The following HSPA1A variants were observed in gnomAD, a reference collection of about 807,000 sequenced individuals.
HSPA1A encodes the protein heat shock protein family A (Hsp70) member 1A, also known as heat shock 70 kDa protein 1A.
A neutral mutation model predicts 8.8 loss-of-function variants in HSPA1A; 5 were observed. The ratio of observed to expected loss-of-function variants is 0.57; its 90% CI spans 0.30 to 1.19. HSPA1A has a LOEUF of 1.19. Among genes scored for constraint, HSPA1A ranks in the 50% most tolerant of loss-of-function variants. HSPA1A has a pLI of 0.08. For synonymous variants in HSPA1A, 112 were observed against 188.4 expected (o/e 0.59, Z 3.32); for missense variants, 207 against 430.7 (o/e 0.48, Z 4.60).
Position 31,817,811 on chromosome 6 carries a change from C to CT in HSPA1A, c.*136dup. The stretch of plus-strand genomic sequence containing the variant: ...ATTTTTTGGTGAAGTACTGAACTTG[C>CT]TTTTTTTCCGGTTTCTACATGCAGA... On this transcript the variant is annotated 3_prime_UTR_variant, in exon 1 of 1. Coordinates refer to ENST00000375651, the MANE Select transcript of HSPA1A (RefSeq NM_005345.6). 1.5e-5 allele frequency: 22 copies of CT among 1,467,876 alleles called. No homozygotes were observed. The highest frequency in any genetic ancestry group is 2.0e-5 in the Non-Finnish European group (22 of 1,110,512). The allele number at this position is 1,467,876 out of a possible 1,614,324, so 90.9% of individuals were successfully genotyped here.
chr6:31,815,878 A>G lies in HSPA1A; in HGVS notation c.122A>G (p.Tyr41Cys). 2 of 1,604,972 alleles carry G rather than the reference A, an allele frequency of 1.2e-6. No homozygotes were observed. The highest frequency in any genetic ancestry group is 8.5e-7 in the Non-Finnish European group (1 of 1,177,220). ...CAGGGCAACCGCACCACCCCCAGCT[A>G]CGTGGCCTTCACGGACACCGAGCGG... ...NDQGNRTTPS[Y>C]VAFTDTERLI... The change falls in exon 1 of 1, where the codon TAC becomes TGC. Residue 41 changes from tyrosine (Y) to cysteine (C), a missense_variant. Physicochemically the swap from Tyr to Cys is radical, Grantham distance 194. Coordinates refer to ENST00000375651, the MANE Select transcript of HSPA1A (RefSeq NM_005345.6).
chr6:31,815,577 C>G lies in HSPA1A; in HGVS notation c.-180C>G. 1 of 1,455,940 alleles carries G rather than the reference C, an allele frequency of 6.9e-7. No homozygotes were observed. Among genetic ancestry groups the G allele is most frequent in the Non-Finnish European group, 9.4e-7 (1 of 1,063,262 alleles). 90.2% of individuals were successfully genotyped at this position (1,455,940 alleles called of 1,614,324 possible). Reference sequence around the variant, plus strand: ...CCTGAGGAGCTGCTGCGACAGTCCACTACCTTTTTCGAGAGTGACTCCCGT... The same window carrying G: ...CCTGAGGAGCTGCTGCGACAGTCCAGTACCTTTTTCGAGAGTGACTCCCGT... On this transcript the variant is annotated 5_prime_UTR_variant, in exon 1 of 1. Coordinates refer to ENST00000375651, the MANE Select transcript of HSPA1A (RefSeq NM_005345.6).
rs1816053756 is a variant in HSPA1A, at chr6:31,817,919, A to G, written c.*237A>G. The G allele has an allele frequency of 7.1e-7, 1 of 1,418,302 alleles. No homozygotes were observed. Among genetic ancestry groups the G allele is most frequent in the African/African-American group, 1.4e-5 (1 of 69,136 alleles). The allele number at this position is 1,418,302 out of a possible 1,614,324, so 87.9% of individuals were successfully genotyped here. ...GCCATTTTTTAAGTTGGTTACTTCA[A>G]AGTAAATAAACTTTAAAATTCAAGT... On this transcript the variant is annotated 3_prime_UTR_variant, in exon 1 of 1. Transcript: ENST00000375651.
chr6:31,815,953 C>G lies in HSPA1A; in HGVS notation c.197C>G (p.Thr66Ser). The G allele has an allele frequency of 6.6e-7, 1 of 1,521,266 alleles. No individual in the cohort carries two copies. Among genetic ancestry groups the G allele is most frequent in the Non-Finnish European group, 8.9e-7 (1 of 1,128,690 alleles). 94.2% of individuals were successfully genotyped at this position (1,521,266 alleles called of 1,614,324 possible). Residue 66 changes from threonine to serine, a missense_variant, in exon 1 of 1, where the codon ACC becomes AGC. Physicochemically the swap from Thr to Ser is moderately conservative, Grantham distance 58 (BLOSUM62 1). Around this residue, in one of 5 missense-constraint regions of HSPA1A, gnomAD observed 129 missense variants for 173.1 expected, o/e 0.75. Transcript: ENST00000375651. Reference protein sequence around the residue: ...KNQVALNPQNTVFDAKRLIGR... With the variant: ...KNQVALNPQNSVFDAKRLIGR... ...CAGGTGGCGCTGAACCCGCAGAACA[C>G]CGTGTTTGACGCGAAGCGGCTGATT...
At position 31,815,747 on chromosome 6, in the gene HSPA1A, G is replaced by A. The variant is rs1430147081; in HGVS notation, c.-10G>A. Reference sequence around the variant, plus strand: ...CTCAGAGCGGAGCCGACAGAGAGCAGGGAACCGGCATGGCCAAAGCCGCGG... The same window carrying A: ...CTCAGAGCGGAGCCGACAGAGAGCAAGGAACCGGCATGGCCAAAGCCGCGG... On this transcript the variant is annotated 5_prime_UTR_variant, in exon 1 of 1. Transcript: ENST00000375651. 2 of 1,614,014 alleles carry A rather than the reference G, an allele frequency of 1.2e-6. No homozygotes were observed. Among genetic ancestry groups the A allele is most frequent in the Admixed American group, 1.7e-5 (1 of 60,020 alleles).
rs367576856 is a variant in HSPA1A at position 31,815,803 on chromosome 6, C to T, written c.47C>T (p.Ser16Phe). ...AIGIDLGTTY[S>F]CVGVFQHGKV... ...GGCATCGACCTGGGCACCACCTACTCCTGCGTGGGGGTGTTCCAACACGGC... is the reference window on the plus strand; with the variant it reads ...GGCATCGACCTGGGCACCACCTACTTCTGCGTGGGGGTGTTCCAACACGGC... Residue 16 changes from serine to phenylalanine, a missense_variant, in exon 1 of 1, where the codon TCC becomes TTC. By Grantham distance (155) the Ser-to-Phe change is radical. Transcript: ENST00000375651. 2.5e-6 allele frequency: 4 copies of T among 1,613,246 alleles called. No individual in the cohort carries two copies. Among genetic ancestry groups the T allele is most frequent in the Non-Finnish European group, 3.4e-6 (4 of 1,179,798 alleles).
chr6:31,816,032 C>A lies in HSPA1A; in HGVS notation c.276C>A (p.Phe92Leu). 9.6e-7 allele frequency: 1 copy of A among 1,037,264 alleles called. No homozygotes were observed. The highest frequency in any genetic ancestry group is 1.3e-6 in the Non-Finnish European group (1 of 747,246). 64.3% of individuals were successfully genotyped at this position (1,037,264 alleles called of 1,614,324 possible). Residue 92 changes from phenylalanine (F) to leucine (L), a missense_variant, in exon 1 of 1, where the codon TTC (phenylalanine) becomes TTA (leucine). Physicochemically the swap from Phe to Leu is conservative, Grantham distance 22 (BLOSUM62 0). Around this residue, in one of 5 missense-constraint regions of HSPA1A, gnomAD observed 129 missense variants for 173.1 expected, o/e 0.75. Coordinates refer to ENST00000375651, the MANE Select transcript of HSPA1A (RefSeq NM_005345.6). Reference sequence around the variant, plus strand: ...AGTCGGACATGAAGCACTGGCCTTTCCAGGTGATCAACGACGGAGACAAGC... The same window carrying A: ...AGTCGGACATGAAGCACTGGCCTTTACAGGTGATCAACGACGGAGACAAGC... ...VVQSDMKHWP[F>L]QVINDGDKPK...
At position 31,815,780 on chromosome 6, in the gene HSPA1A, C is replaced by T; in HGVS notation, c.24C>T (p.Gly8=). ...GCATGGCCAAAGCCGCGGCGATCGG[C>T]ATCGACCTGGGCACCACCTACTCCT... The part of the protein sequence containing the change: MAKAAAI[G]IDLGTTYSCV... Residue 8 remains glycine, a synonymous_variant, in exon 1 of 1, where the codon GGC becomes GGT. Coordinates refer to ENST00000375651, the MANE Select transcript of HSPA1A (RefSeq NM_005345.6). 6.2e-7 allele frequency: 1 copy of T among 1,613,772 alleles called. No homozygotes were observed. The highest frequency in any genetic ancestry group is 1.1e-5 in the South Asian group (1 of 91,068).
chr6:31,817,867 T>C lies in HSPA1A; in HGVS notation c.*185T>C. Reference sequence around the variant, plus strand: ...ATTTATACTGCCATCTTACGACTATTTCTTCTTTTTAATACACTTAACTCA... The same window carrying C: ...ATTTATACTGCCATCTTACGACTATCTCTTCTTTTTAATACACTTAACTCA... On this transcript the variant is annotated 3_prime_UTR_variant, in exon 1 of 1. Transcript: ENST00000375651. The C allele has an allele frequency of 6.9e-7, 1 of 1,441,486 alleles. No homozygotes were observed. The highest frequency in any genetic ancestry group is 9.1e-7 in the Non-Finnish European group (1 of 1,096,702). 89.3% of individuals were successfully genotyped at this position (1,441,486 alleles called of 1,614,324 possible).
Position 31,815,783 on chromosome 6 carries a change from C to A in HSPA1A, c.27C>A (p.Ile9=), listed in dbSNP as rs771342261. 6.2e-7 allele frequency: 1 copy of A among 1,613,698 alleles called. No homozygotes were observed. Among genetic ancestry groups the A allele is most frequent in the East Asian group, 2.2e-5 (1 of 44,866 alleles). Residue 9 remains isoleucine, a synonymous_variant, in exon 1 of 1, where the codon ATC becomes ATA. Coordinates refer to ENST00000375651, the MANE Select transcript of HSPA1A (RefSeq NM_005345.6). MAKAAAIG[I]DLGTTYSCVG... ...TGGCCAAAGCCGCGGCGATCGGCAT[C>A]GACCTGGGCACCACCTACTCCTGCG...
chr6:31,817,927 A>G lies in HSPA1A; in HGVS notation c.*245A>G. On this transcript the variant is annotated 3_prime_UTR_variant, in exon 1 of 1. Coordinates refer to ENST00000375651, the MANE Select transcript of HSPA1A (RefSeq NM_005345.6). ...TTAAGTTGGTTACTTCAAAGTAAAT[A>G]AACTTTAAAATTCAAGTGATGCCTT... The G allele has an allele frequency of 7.1e-7, 1 of 1,416,190 alleles. No individual in the cohort carries two copies. 87.7% of individuals were successfully genotyped at this position (1,416,190 alleles called of 1,614,324 possible).
In HSPA1A at chr6:31,815,849, C is replaced by G. The variant is rs1409537221; in HGVS notation, c.93C>G (p.Asn31Lys). The G allele has an allele frequency of 3.7e-6, 6 of 1,610,170 alleles. No homozygotes were observed. The highest frequency in any genetic ancestry group is 4.2e-6 in the Non-Finnish European group (5 of 1,179,088). ...FQHGKVEIIA[N>K]DQGNRTTPSY... ...ACGGCAAGGTGGAGATCATCGCCAA[C>G]GACCAGGGCAACCGCACCACCCCCA... is the stretch of plus-strand genomic sequence containing the variant. Residue 31 changes from asparagine to lysine, a missense_variant, in exon 1 of 1, where the codon AAC becomes AAG. Around this residue, in one of 5 missense-constraint regions of HSPA1A, gnomAD observed 129 missense variants for 173.1 expected, o/e 0.75. Transcript: ENST00000375651.
rs1343460761 is a variant in HSPA1A, at chr6:31,817,728, T to C, written c.*46T>C. 6.4e-7 allele frequency: 1 copy of C among 1,570,872 alleles called. No individual in the cohort carries two copies. Among genetic ancestry groups the C allele is most frequent in the East Asian group, 2.3e-5 (1 of 44,338 alleles). On this transcript the variant is annotated 3_prime_UTR_variant, in exon 1 of 1. Coordinates refer to ENST00000375651, the MANE Select transcript of HSPA1A (RefSeq NM_005345.6). ...TTTTTGTTTTGGAGCTTCAAGACTT[T>C]GCATTTCCTAGTATTTCTGTTTGTC...
rs2151471592 is a variant in HSPA1A at position 31,816,046 on chromosome 6, A to G, written c.290A>G (p.Asp97Gly). 1.1e-6 allele frequency: 1 copy of G among 931,596 alleles called. No homozygotes were observed. Among genetic ancestry groups the G allele is most frequent in the African/African-American group, 2.6e-5 (1 of 39,162 alleles). The allele number at this position is 931,596 out of a possible 1,614,324, so 57.7% of individuals were successfully genotyped here. ...CACTGGCCTTTCCAGGTGATCAACGACGGAGACAAGCCCAAGGTGCAGGTG... is the reference window on the plus strand; with the variant it reads ...CACTGGCCTTTCCAGGTGATCAACGGCGGAGACAAGCCCAAGGTGCAGGTG... ...MKHWPFQVIN[D>G]GDKPKVQVSY... The change falls in exon 1 of 1, where the codon GAC (aspartate) becomes GGC (glycine). Residue 97 changes from aspartate (D) to glycine (G), a missense_variant. Around this residue, in one of 5 missense-constraint regions of HSPA1A, gnomAD observed 129 missense variants for 173.1 expected, o/e 0.75. Coordinates refer to ENST00000375651, the MANE Select transcript of HSPA1A (RefSeq NM_005345.6).
In HSPA1A at chr6:31,817,814, T is replaced by G. The variant is rs1816045868; in HGVS notation, c.*132T>G. The G allele has an allele frequency of 2.5e-5, 37 of 1,462,540 alleles. No homozygotes were observed. The highest frequency in any genetic ancestry group is 3.3e-5 in the Non-Finnish European group (37 of 1,107,542). 90.6% of individuals were successfully genotyped at this position (1,462,540 alleles called of 1,614,324 possible). A position where few individuals can be genotyped will look rare whatever the true frequency, so the allele number is the denominator to read the frequency against. Reference sequence around the variant, plus strand: ...TTTTGGTGAAGTACTGAACTTGCTTTTTTTCCGGTTTCTACATGCAGAGAT... The same window carrying G: ...TTTTGGTGAAGTACTGAACTTGCTTGTTTTCCGGTTTCTACATGCAGAGAT... On this transcript the variant is annotated 3_prime_UTR_variant, in exon 1 of 1. Coordinates refer to ENST00000375651, the MANE Select transcript of HSPA1A (RefSeq NM_005345.6).
At position 31,817,489 on chromosome 6, in the gene HSPA1A, T is replaced by C; in HGVS notation, c.1733T>C (p.Ile578Thr). 3.1e-6 allele frequency: 5 copies of C among 1,612,646 alleles called. No individual in the cohort carries two copies. Among genetic ancestry groups the C allele is most frequent in the Non-Finnish European group, 4.2e-6 (5 of 1,179,920 alleles). ...GTGCTGGACAAGTGTCAAGAGGTCA[T>C]CTCGTGGCTGGACGCCAACACCTTG... ...KKVLDKCQEV[I>T]SWLDANTLAE... The change falls in exon 1 of 1, where the codon ATC becomes ACC. Residue 578 changes from isoleucine (I) to threonine (T), a missense_variant. By Grantham distance (89) the Ile-to-Thr change is moderately conservative. Around this residue, in one of 5 missense-constraint regions of HSPA1A, gnomAD observed 26 missense variants for 21.3 expected, o/e 1.22. Transcript: ENST00000375651.
Position 31,816,140 on chromosome 6 carries a change from G to A in HSPA1A, c.384G>A (p.Lys128=). The part of the protein sequence containing the change: ...EISSMVLTKM[K]EIAEAYLGYP... ...CGTCCATGGTGCTGACCAAGATGAA[G>A]GAGATCGCCGAGGCGTACCTGGGCT... Residue 128 remains lysine (K), a synonymous_variant, in exon 1 of 1, where the codon AAG becomes AAA. Transcript: ENST00000375651. The A allele has an allele frequency of 2.1e-6, 1 of 486,864 alleles. No homozygotes were observed. Among genetic ancestry groups the A allele is most frequent in the Non-Finnish European group, 3.3e-6 (1 of 301,988 alleles). The allele number at this position is 486,864 out of a possible 1,614,324, so 30.2% of individuals were successfully genotyped here. A position where few individuals can be genotyped will look rare whatever the true frequency, so the allele number is the denominator to read the frequency against.
chr6:31,817,696 A>G lies in HSPA1A; in HGVS notation c.*14A>G. The G allele has an allele frequency of 6.3e-7, 1 of 1,598,424 alleles. No individual in the cohort carries two copies. Among genetic ancestry groups the G allele is most frequent in the Non-Finnish European group, 8.5e-7 (1 of 1,171,874 alleles). On this transcript the variant is annotated 3_prime_UTR_variant, in exon 1 of 1. Transcript: ENST00000375651. Reference sequence around the variant, plus strand: ...GAGGTAGATTAGGGGCCTTTCCAAGATTGCTGTTTTTGTTTTGGAGCTTCA... The same window carrying G: ...GAGGTAGATTAGGGGCCTTTCCAAGGTTGCTGTTTTTGTTTTGGAGCTTCA...
At position 31,817,423 on chromosome 6, in the gene HSPA1A, AG is replaced by A. The variant is rs765552470; in HGVS notation, c.1671del (p.Leu558SerfsTer83). On this transcript the variant is annotated frameshift_variant, in exon 1 of 1. Coordinates refer to ENST00000375651, the MANE Select transcript of HSPA1A (RefSeq NM_005345.6). LOFTEE classifies it low-confidence loss of function (END_TRUNC). ...AACATGAAGAGCGCCGTGGAGGATG[AG>A]GGGCTCAAGGGCAAGATCAGCGAGG... ...AFNMKSAVEDEGLKGKISEAD... is the reference protein window; with the variant it reads ...AFNMKSAVEDXGLKGKISEAD... 1.2e-6 allele frequency: 2 copies of A among 1,612,070 alleles called. No homozygotes were observed. Among genetic ancestry groups the A allele is most frequent in the South Asian group, 1.1e-5 (1 of 91,022 alleles).
Sources: gnomAD v4.1 joint callset for allele counts on GRCh38, gnomAD v4.1.1 for gene constraint, gnomAD v4.1.1 regional missense constraint, MANE v1.5 for transcripts, NCBI Gene and HGNC (gene_info 2026-07-23, HGNC 2026-07-21) for gene names.